The following CCDC171 variants were observed in gnomAD, a reference collection of about 807,000 sequenced individuals.
The protein encoded by CCDC171 is coiled-coil domain-containing protein 171.
CCDC171 carries 177 observed loss-of-function variants against 168.2 expected under a neutral mutation model. The ratio of observed to expected loss-of-function variants is 1.05; its 90% CI spans 0.93 to 1.19. The LOEUF (loss-of-function observed/expected upper bound fraction) is 1.19. CCDC171 is among the 50% of genes most tolerant of loss of function. The pLI, the probability that CCDC171 is intolerant of heterozygous loss-of-function variation, is 0.00. For missense variants in CCDC171, 1,991 were observed against 1,539.0 expected (o/e 1.29, Z -4.91); for synonymous variants, 687 against 540.8 (o/e 1.27, Z -3.75).
intron 24 of CCDC171, among the ~76,000 whole-genome samples, chr9:15,898,241 T>TAGCCAAATG (rs1396265917): frequency 1.3e-5 from 2 of 152,170 alleles, no homozygotes; most frequent in Non-Finnish European, 2.9e-5. Context: ...TTCCATACAT[T>TAGCCAAATG]CTAACTTATT....
intron 1 of CCDC171, among the ~76,000 whole-genome samples, chr9:16,054,698 G>A (rs1053367204): frequency 6.6e-6 from 1 of 152,204 alleles, no homozygotes; most frequent in Non-Finnish European, 1.5e-5. Flanking sequence ...TTCCTCCAGG[G>A]AGCTGTTTGA....
the CCDC171 span, among the ~76,000 whole-genome samples, chr9:16,098,489 C>T: frequency 6.6e-6 from 1 of 152,190 alleles, no homozygotes; most frequent in African/African-American, 2.4e-5. Context: ...GGCTTTGGTC[C>T]ACACTCTTGA....
intron 24 of CCDC171, among the ~76,000 whole-genome samples, chr9:15,907,317 C>A (rs1330093203): frequency 6.6e-6 from 1 of 152,118 alleles, no homozygotes; most frequent in East Asian, 1.9e-4. Flanking sequence ...GATATATAGA[C>A]CAATGGAACA....
the CCDC171 span, among the ~76,000 whole-genome samples, chr9:16,093,846 A>G: frequency 1.3e-5 from 2 of 152,222 alleles, no homozygotes; most frequent in Non-Finnish European, 2.9e-5. Context: ...TCGTGGATAT[A>G]GAGCCTATCC....
At position 15,575,511 on chromosome 9, in the gene CCDC171, A is replaced by T. The variant is rs115964213; in HGVS notation, c.178-3338A>T. Among the ~76,000 whole-genome samples the T allele has an allele frequency of 7.9e-5, 12 of 152,316 alleles. No individual in the cohort carries two copies. The East Asian group carries it at 2.3e-3, about 29-fold the overall frequency. On this transcript the variant is annotated intron_variant, in intron 3 of 25. Transcript: ENST00000380701. ...TTTAGCCAAAAAATACTGGAAACTT[A>T]GGACTAATCAGTAGGCTTTATGGCT...
chr9:15,666,376 C>T (rs2048734286), intron 9 of CCDC171, 53 bp downstream of exon 9: 2 of 1,308,246 alleles, frequency 1.5e-6, no homozygotes, highest in South Asian at 1.4e-5. Context: ...TTTAAAAGAG[C>T]TATATAAAAT....
intron 7 of CCDC171, among the ~76,000 whole-genome samples, chr9:15,640,519 C>G (rs530395066): frequency 6.6e-6 from 1 of 152,178 alleles, no homozygotes; most frequent in East Asian, 1.9e-4. Context: ...CACGAGAGTT[C>G]TTTGAAAACT....
the CCDC171 span, among the ~76,000 whole-genome samples, chr9:16,105,152 A>G: frequency 5.9e-5 from 9 of 152,228 alleles, no homozygotes; most frequent in Admixed American, 4.6e-4. Context: ...AACACATCCT[A>G]TGAGACGGCA....
intron 3 of CCDC171, among the ~76,000 whole-genome samples, chr9:15,981,635 T>G (rs4740629): frequency 0.34 from 51,503 of 152,098 alleles, 10,929 homozygotes; most frequent in East Asian, 0.62. Context: ...TGTTAGATGT[T>G]CTTTTGTGGT....
intron 1 of CCDC171, among the ~76,000 whole-genome samples, chr9:15,555,675 A>G (rs768851204): frequency 6.6e-6 from 1 of 152,132 alleles, no homozygotes; most frequent in Admixed American, 6.5e-5. Flanking sequence ...GTGACTGAGT[A>G]TCTATTTTTA....
intron 7 of CCDC171, among the ~76,000 whole-genome samples, chr9:15,634,526 A>C (rs1026688557): frequency 1.3e-5 from 2 of 152,166 alleles, no homozygotes; most frequent in African/African-American, 4.8e-5. Flanking sequence ...TCAGATTTAT[A>C]TTCTTCAGAT....
chr9:15,938,030 AAAT>A (rs1696367231), intron 25 of CCDC171, among the ~76,000 whole-genome samples: 1 of 151,976 alleles, frequency 6.6e-6, no homozygotes, highest in Non-Finnish European at 1.5e-5. Context: ...CCCGTAATCT[AAAT>A]AATATCAGTA....
chr9:15,826,306 T>C (rs1472832991), intron 21 of CCDC171, among the ~76,000 whole-genome samples: 2 of 144,600 alleles, frequency 1.4e-5, no homozygotes, highest in South Asian at 4.4e-4. Flanking sequence ...TCATATTTTT[T>C]TCATTTGTTT....
rs113070403 is a variant in CCDC171 at position 15,851,741 on chromosome 9, C to G, written c.3468+2794C>G. On this transcript the variant is annotated intron_variant, in intron 23 of 25. Transcript: ENST00000380701. ...CAAGAAGCAATTATTTCTTATATCC[C>G]TTTCCCCTACATCCTGGCAAACACT... 1.2e-4 allele frequency among the ~76,000 whole-genome samples: 19 copies of G among 152,008 alleles called. No individual in the cohort carries two copies. The South Asian group carries it at 3.7e-3, about 30-fold the overall frequency.
intron 21 of CCDC171, among the ~76,000 whole-genome samples, chr9:15,786,710 C>T (rs1456370141): frequency 1.3e-5 from 2 of 152,124 alleles, no homozygotes; most frequent in South Asian, 4.1e-4. Context: ...AGTGAAACAG[C>T]CAGTTCCTGC....
chr9:15,711,925 G>C (rs1306949874), intron 11 of CCDC171, among the ~76,000 whole-genome samples: 3 of 152,132 alleles, frequency 2.0e-5, no homozygotes, highest in Non-Finnish European at 4.4e-5. Flanking sequence ...GCTGGATATG[G>C]TTCCATCTCT....
intron 1 of CCDC171, among the ~76,000 whole-genome samples, chr9:16,048,586 T>C (rs1360915306): frequency 1.3e-5 from 2 of 152,356 alleles, no homozygotes; most frequent in Non-Finnish European, 2.9e-5. Flanking sequence ...TTTTCAGGAT[T>C]AGAACCTCAG....
the CCDC171 span, among the ~76,000 whole-genome samples, chr9:16,083,293 C>T: frequency 6.6e-6 from 1 of 152,130 alleles, no homozygotes; most frequent in Non-Finnish European, 1.5e-5. Context: ...TATAGTTGAA[C>T]CACACAACTC....
upstream of CCDC171, chr9:15,552,991 T>TGCGGGAG (rs1433853470): frequency 3.3e-5 from 5 of 152,618 alleles, no homozygotes; most frequent in Admixed American, 6.5e-5. Flanking sequence ...AGCTGAGGGC[T>TGCGGGAG]GCGGGAGGCG....
Sources: gnomAD v4.1 joint callset for allele counts (sites outside exome capture counted in the v4.1 genomes callset) on GRCh38, gnomAD v4.1.1 for gene constraint, MANE v1.5 for transcripts, NCBI Gene and HGNC (gene_info 2026-07-23, HGNC 2026-07-21) for gene names.